Variants in DDX4 observed in about 807,000 individuals in gnomAD.
DDX4 encodes probable ATP-dependent RNA helicase DDX4.
DDX4 carries 25 observed loss-of-function variants against 100.0 expected under a neutral mutation model. The observed-to-expected ratio is 0.25, with a 90% CI of 0.18 to 0.35. The LOEUF (loss-of-function observed/expected upper bound fraction) is 0.35, where lower values mean the gene tolerates loss of function less well. Ranked by LOEUF, DDX4 falls within the 10% of genes least tolerant of loss-of-function variation. The pLI is 1.00. For synonymous variants in DDX4, 259 were observed against 275.7 expected (o/e 0.94, Z 0.60); for missense variants, 635 against 882.4 (o/e 0.72, Z 3.55).
chr5:55,800,805 T>C (rs1743251558), intron 18 of DDX4, among the ~76,000 whole-genome samples: 1 of 152,238 alleles, frequency 6.6e-6, no homozygotes, highest in Non-Finnish European at 1.5e-5. Flanking sequence ...TTAGTGTTCA[T>C]AGTTGATACC....
intron 18 of DDX4, among the ~76,000 whole-genome samples, chr5:55,804,350 G>T (rs1453667212): frequency 9.9e-5 from 15 of 150,938 alleles, no homozygotes; most frequent in African/African-American, 2.7e-4. Flanking sequence ...GTCAATTTTG[G>T]CTTTTGTTGC....
At chr5:55,813,972 A>G (rs1247788395) in intron 19 of DDX4, among the ~76,000 whole-genome samples, 200 bp downstream of exon 19, 1 of 152,130 alleles carries the variant, frequency 6.6e-6, no homozygotes, top group Non-Finnish European at 1.5e-5. Flanking sequence ...CCTCATTCTT[A>G]GTTTTTAGAA....
At chr5:55,816,137 G>A (rs547559569) in intron 21 of DDX4, among the ~76,000 whole-genome samples, 15 of 152,060 alleles carry the variant, frequency 9.9e-5, no homozygotes, top group African/African-American at 2.4e-4. Context: ...GCTGAACACC[G>A]CCTTTATTCA....
At chr5:55,792,923 T>A in intron 17 of DDX4, 116 bp downstream of exon 17, 1 of 599,838 alleles carries the variant, frequency 1.7e-6, no homozygotes, top group East Asian at 4.7e-5. Context: ...TTAATATAGG[T>A]AGTTTAAAAA....
At position 55,763,164 on chromosome 5, in the gene DDX4, C is replaced by A. The variant is rs3761776; in HGVS notation, c.206-11C>A. 0.28 allele frequency: 446,246 copies of A among 1,581,714 alleles called. 68,389 individuals are homozygous for A. The highest frequency in any genetic ancestry group is 0.57 in the African/African-American group (42,450 of 73,952). On this transcript the variant is annotated splice_polypyrimidine_tract_variant and intron_variant, in intron 4 of 21. Coordinates refer to ENST00000505374, the MANE Select transcript of DDX4 (RefSeq NM_024415.3). Reference sequence around the variant, plus strand: ...ATATGTTAAAGAGTTTAACTGTCCACCCTTTTTCAGATGCTGGTGAGTGTA... The same window carrying A: ...ATATGTTAAAGAGTTTAACTGTCCAACCTTTTTCAGATGCTGGTGAGTGTA...
At chr5:55,798,291 A>G in intron 17 of DDX4, 135 bp from the exon 18 acceptor site, 1 of 930,046 alleles carries the variant, frequency 1.1e-6, no homozygotes. Flanking sequence ...GGGTGATATA[A>G]GTAACCAACC....
intron 17 of DDX4, among the ~76,000 whole-genome samples, chr5:55,793,040 G>T (rs1349923481): frequency 2.0e-5 from 3 of 147,850 alleles, no homozygotes; most frequent in African/African-American, 7.4e-5. Flanking sequence ...GTGTGTGTGT[G>T]TGTGTGTGTG....
chr5:55,815,939 T>G (rs1744387865), intron 21 of DDX4, among the ~76,000 whole-genome samples: 1 of 129,134 alleles, frequency 7.7e-6, no homozygotes, highest in Non-Finnish European at 1.6e-5. Context: ...CTTAGCTGGT[T>G]TTTTTTTTTT....
At chr5:55,782,200 T>G (rs1741954719) in intron 10 of DDX4, 8 of 543,042 alleles carry the variant, frequency 1.5e-5, no homozygotes, top group Non-Finnish European at 2.6e-5. Context: ...AGCAATTCCA[T>G]TATAGGAATT....
intron 18 of DDX4, among the ~76,000 whole-genome samples, chr5:55,809,391 C>G (rs993053678): frequency 6.6e-6 from 1 of 152,146 alleles, no homozygotes; most frequent in Non-Finnish European, 1.5e-5. Context: ...CAGAAATCAG[C>G]CGTCTTCTGC....
At chr5:55,771,209 CACTT>C (rs992050350) in intron 7 of DDX4, among the ~76,000 whole-genome samples, 1 of 152,150 alleles carries the variant, frequency 6.6e-6, no homozygotes, top group Non-Finnish European at 1.5e-5. Context: ...AAACTGAACT[CACTT>C]GAGTTCAGTG....
intron 15 of DDX4, among the ~76,000 whole-genome samples, chr5:55,789,065 A>T (rs116310274): frequency 0.02 from 2,990 of 152,108 alleles, 36 homozygotes; most frequent in South Asian, 0.051. Context: ...ACTTATATAT[A>T]AAAAAAACCA....
intron 10 of DDX4, among the ~76,000 whole-genome samples, chr5:55,782,676 CAG>C (rs1224320544): frequency 1.3e-5 from 2 of 151,882 alleles, no homozygotes; most frequent in African/African-American, 4.8e-5. Flanking sequence ...AAGTTAAAGA[CAG>C]ATATAATATG....
chr5:55,799,185 A>C (rs953844051), intron 18 of DDX4, among the ~76,000 whole-genome samples: 4 of 152,052 alleles, frequency 2.6e-5, no homozygotes, highest in African/African-American at 9.7e-5. Flanking sequence ...CTCCCACCTC[A>C]GCTTCCCAAG....
chr5:55,777,884 A>G (rs1741668389), intron 7 of DDX4, among the ~76,000 whole-genome samples: 1 of 152,214 alleles, frequency 6.6e-6, no homozygotes, highest in Non-Finnish European at 1.5e-5. Context: ...ATCTAACAAT[A>G]TACTAAGATG....
chr5:55,814,482 A>G (rs1041671983), intron 19 of DDX4, among the ~76,000 whole-genome samples: 1 of 151,304 alleles, frequency 6.6e-6, no homozygotes, highest in African/African-American at 2.4e-5. Context: ...AGAAGTGAAC[A>G]TTAATGTTAA....
At chr5:55,785,268 C>T (rs369885593) in intron 10 of DDX4, 29 bp from the exon 11 acceptor site, 25 of 1,508,764 alleles carry the variant, frequency 1.7e-5, no homozygotes, top group Middle Eastern at 1.8e-4. Context: ...ACATCTTGAC[C>T]GATTGTCACT....
Position 55,739,000 on chromosome 5 carries a change from C to T in DDX4, c.37C>T (p.His13Tyr), listed in dbSNP as rs1758839385. ...DEDWEAEINPHMSSYVPIFEK... is the reference protein window; with the variant it reads ...DEDWEAEINPYMSSYVPIFEK... ...AGATTGGGAAGCAGAAATCAACCCT[C>T]ATATGTCTTCCTATGTTCCCATATT... The change falls in exon 2 of 22, where the codon CAT becomes TAT. Residue 13 changes from histidine to tyrosine, a missense_variant. His to Tyr is a moderately conservative substitution (Grantham distance 83, BLOSUM62 2). Around this residue, in one of 4 missense-constraint regions of DDX4, gnomAD observed 446 missense variants for 540.8 expected, o/e 0.82. Transcript: ENST00000505374. The T allele has an allele frequency of 6.2e-7, 1 of 1,605,508 alleles. No individual in the cohort carries two copies. The highest frequency in any genetic ancestry group is 8.5e-7 in the Non-Finnish European group (1 of 1,172,786).
chr5:55,809,239 G>A (rs1195940702), intron 18 of DDX4, among the ~76,000 whole-genome samples: 1 of 152,176 alleles, frequency 6.6e-6, no homozygotes, highest in Non-Finnish European at 1.5e-5. Context: ...CTAGGAAAGG[G>A]AATTCCCTGA....
Sources: allele counts gnomAD v4.1 joint callset (sites outside exome capture counted in the v4.1 genomes callset), GRCh38; gene constraint gnomAD v4.1.1; regional missense constraint gnomAD v4.1.1; transcripts MANE v1.5; gene names NCBI Gene and HGNC (gene_info 2026-07-23, HGNC 2026-07-21).